Variants in CACNA1A observed in about 807,000 individuals in gnomAD.
CACNA1A encodes voltage-dependent P/Q-type calcium channel subunit alpha-1A.
CACNA1A carries 57 observed loss-of-function variants against 262.4 expected under a neutral mutation model. The ratio of observed to expected loss-of-function variants is 0.22; its 90% CI spans 0.18 to 0.27. The LOEUF (loss-of-function observed/expected upper bound fraction) is 0.27. Ranked by LOEUF, CACNA1A falls within the 10% of genes least tolerant of loss-of-function variation. The probability of loss-of-function intolerance (pLI) is 1.00; values close to 1 mark genes in which losing one functional copy is unlikely to be tolerated. For missense variants in CACNA1A, 2,526 were observed against 3,562.8 expected, an observed-to-expected ratio of 0.71 and a Z score of 7.41; for synonymous variants, 1,431 against 1,419.3, an observed-to-expected ratio of 1.01 and a Z score of -0.18.
intron 15 of CACNA1A, among the ~76,000 whole-genome samples, chr19:13,304,325 T>G (rs1249884814): frequency 2.0e-5 from 3 of 152,110 alleles, no homozygotes; most frequent in Non-Finnish European, 4.4e-5. Context: ...ATGGTATTAG[T>G]GCCCTTATAA....
chr19:13,497,521 A>AATAT (rs1568709638), intron 1 of CACNA1A, among the ~76,000 whole-genome samples: 2 of 12,568 alleles, frequency 1.6e-4, no homozygotes, highest in Non-Finnish European at 2.8e-4. Context: ...AAAAAAAAAA[A>AATAT]ATATATATAT....
rs190836274 is a variant in CACNA1A at position 13,332,942 on chromosome 19, C to G, written c.1199-17G>C. On this transcript the variant is annotated splice_polypyrimidine_tract_variant and intron_variant, in intron 8 of 46. Coordinates refer to ENST00000360228, the MANE Select transcript of CACNA1A (RefSeq NM_001127222.2). ...TCACCTCTTCTGAAGAGGAAGAGCA[C>G]AGAGTTAAGCTCCTGCATTTGGAGG... is the stretch of plus-strand genomic sequence containing the variant. 475 of 1,604,880 alleles carry G rather than the reference C, an allele frequency of 3.0e-4. 6 individuals are homozygous for G. The East Asian group carries it at 7.8e-3, about 26-fold the overall frequency.
intron 6 of CACNA1A, among the ~76,000 whole-genome samples, chr19:13,339,752 T>C (rs1001270537): frequency 6.6e-6 from 1 of 151,394 alleles, no homozygotes; most frequent in Non-Finnish European, 1.5e-5. Context: ...AAATTTTATG[T>C]CATGTGTGTT....
At chr19:13,329,806 G>T (rs1214620803) in intron 10 of CACNA1A, among the ~76,000 whole-genome samples, 7 of 148,180 alleles carry the variant, frequency 4.7e-5, no homozygotes, top group African/African-American at 1.8e-4. Flanking sequence ...TCTGTGCCCA[G>T]GCTGGAGTGC....
At chr19:13,261,256 T>C in intron 26 of CACNA1A, 194 bp downstream of exon 26, 1 of 543,274 alleles carries the variant, frequency 1.8e-6, no homozygotes, top group Non-Finnish European at 3.3e-6. Context: ...TGACTCATTC[T>C]GTGGCTCTGG....
chr19:13,321,280 C>T (rs1359789984), intron 10 of CACNA1A, among the ~76,000 whole-genome samples: 1 of 151,960 alleles, frequency 6.6e-6, no homozygotes. Context: ...GTGATCTGCC[C>T]GCTGCAGCCT....
Position 13,214,457 on chromosome 19 carries a change from T to A in CACNA1A, c.5839+44A>T, listed in dbSNP as rs2054925332. Reference sequence around the variant, plus strand: ...GGCCTCCCCTTTCCCTCCCCCTCCATCTGTCCTGGTGGATTGGATCCCAGG... The same window carrying A: ...GGCCTCCCCTTTCCCTCCCCCTCCAACTGTCCTGGTGGATTGGATCCCAGG... On this transcript the variant is annotated intron_variant, in intron 39 of 46. Transcript: ENST00000360228. The surrounding 1 kb of genome is among the most constrained non-coding windows in gnomAD (Gnocchi z 4.1). 1 of 1,561,472 alleles carries A rather than the reference T, an allele frequency of 6.4e-7. No homozygotes were observed. The highest frequency in any genetic ancestry group is 8.8e-7 in the Non-Finnish European group (1 of 1,134,974).
In CACNA1A at chr19:13,230,228, C is replaced by T. The variant is rs2055614598; in HGVS notation, c.5401-19G>A. Reference sequence around the variant, plus strand: ...TCAGCATCTGTGGGGACCCCGGGGACCAAGAGAGAATGGGGGCAGAGACCG... The same window carrying T: ...TCAGCATCTGTGGGGACCCCGGGGATCAAGAGAGAATGGGGGCAGAGACCG... On this transcript the variant is annotated intron_variant, in intron 35 of 46. Transcript: ENST00000360228. The T allele has an allele frequency of 6.2e-7, 1 of 1,612,970 alleles. No homozygotes were observed. The highest frequency in any genetic ancestry group is 1.7e-5 in the Admixed American group (1 of 59,898).
At chr19:13,489,756 G>C (rs895276694) in intron 1 of CACNA1A, among the ~76,000 whole-genome samples, 1 of 152,060 alleles carries the variant, frequency 6.6e-6, no homozygotes, top group African/African-American at 2.4e-5. Flanking sequence ...TCACTCCCCA[G>C]AGAGAACCAT....
intron 38 of CACNA1A, among the ~76,000 whole-genome samples, chr19:13,223,187 G>A (rs975666848): frequency 6.6e-6 from 1 of 151,458 alleles, no homozygotes; most frequent in Non-Finnish European, 1.5e-5. Flanking sequence ...ACCATGTCCA[G>A]TTAATTTAAT....
intron 31 of CACNA1A, chr19:13,244,410 TGTTA>T (rs1412852452): frequency 6.6e-6 from 1 of 152,244 alleles, no homozygotes; most frequent in African/African-American, 2.4e-5. Context: ...TTATTTTTAT[TGTTA>T]GTAAGATGAC....
intron 3 of CACNA1A, among the ~76,000 whole-genome samples, chr19:13,382,661 A>C (rs564009260): frequency 6.6e-6 from 1 of 152,286 alleles, no homozygotes; most frequent in South Asian, 2.1e-4. Flanking sequence ...TCAGAAGACA[A>C]GCCTGACAGC....
At chr19:13,494,018 T>C (rs1981208525) in intron 1 of CACNA1A, among the ~76,000 whole-genome samples, 1 of 152,240 alleles carries the variant, frequency 6.6e-6, no homozygotes, top group Admixed American at 6.5e-5. Flanking sequence ...TTCATCTTGC[T>C]AGAACAAGAT....
intron 3 of CACNA1A, among the ~76,000 whole-genome samples, chr19:13,410,701 G>A (rs1197646659): frequency 6.6e-6 from 1 of 151,894 alleles, no homozygotes; most frequent in Non-Finnish European, 1.5e-5. Context: ...CTTCACCTAA[G>A]CAGCTCTGGC....
intron 1 of CACNA1A, among the ~76,000 whole-genome samples, chr19:13,472,629 C>T (rs577113573): frequency 3.3e-5 from 5 of 152,326 alleles, no homozygotes; most frequent in African/African-American, 9.6e-5. Flanking sequence ...CTCTTCCTCC[C>T]TCTGTCTCAT....
At position 13,376,738 on chromosome 19, in the gene CACNA1A, A is replaced by C. The variant is rs117234029; in HGVS notation, c.540-4959T>G. 8.0e-3 allele frequency among the ~76,000 whole-genome samples: 1,180 copies of C among 147,954 alleles called. 35 individuals carry two copies. The East Asian group carries it at 0.093, about 12-fold the overall frequency. ...ACACATAATATATGTTATATATGAT[A>C]TATATAACACAATATGTTATATGTG... On this transcript the variant is annotated intron_variant, in intron 3 of 46. Transcript: ENST00000360228.
intron 1 of CACNA1A, among the ~76,000 whole-genome samples, chr19:13,487,414 G>A (rs529050268): frequency 6.6e-6 from 1 of 152,190 alleles, no homozygotes; most frequent in East Asian, 1.9e-4. Flanking sequence ...AGCCAGGGAA[G>A]GCGAGTTCAA....
intron 1 of CACNA1A, among the ~76,000 whole-genome samples, chr19:13,479,897 T>C (rs142571272): frequency 2.0e-5 from 3 of 152,356 alleles, no homozygotes; most frequent in East Asian, 1.9e-4. Flanking sequence ...CTCTGGCCCA[T>C]GGCTTGTTTG....
At chr19:13,414,754 T>C (rs2060192029) in intron 3 of CACNA1A, among the ~76,000 whole-genome samples, 1 of 151,802 alleles carries the variant, frequency 6.6e-6, no homozygotes, top group Non-Finnish European at 1.5e-5. Context: ...GCCCAGGAGT[T>C]AGAGACCAGC....
Sources: gnomAD v4.1 joint callset for allele counts (sites outside exome capture counted in the v4.1 genomes callset) on GRCh38, gnomAD v4.1.1 for gene constraint, Gnocchi (gnomAD v3.1) non-coding constraint, MANE v1.5 for transcripts, NCBI Gene and HGNC (gene_info 2026-07-23, HGNC 2026-07-21) for gene names.